Variants in GDPD5 observed in about 807,000 individuals in gnomAD.
The protein encoded by GDPD5 is glycerophosphodiester phosphodiesterase domain containing 5.
Under a neutral mutation model 75.1 loss-of-function variants are expected in GDPD5, and 48 were observed. The ratio of observed to expected loss-of-function variants is 0.64; its 90% confidence interval spans 0.51 to 0.81. GDPD5 has a LOEUF of 0.81. GDPD5 is among the 40% of genes least tolerant of loss of function. The probability of loss-of-function intolerance (pLI) is 0.00; values close to 1 mark genes in which losing one functional copy is unlikely to be tolerated. For missense variants in GDPD5, 706 were observed against 822.6 expected (o/e 0.86, Z 1.73); for synonymous variants, 336 against 339.0 (o/e 0.99, Z 0.10).
intron 10 of GDPD5, among the ~76,000 whole-genome samples, chr11:75,443,732 CACCCA>C (rs1948902419): frequency 6.6e-6 from 1 of 152,192 alleles, no homozygotes; most frequent in Non-Finnish European, 1.5e-5. Flanking sequence ...TGGCAAATTC[CACCCA>C]ACCCCAATCC....
At chr11:75,471,401 C>T (rs1227971077) in intron 3 of GDPD5, among the ~76,000 whole-genome samples, 1 of 152,214 alleles carries the variant, frequency 6.6e-6, no homozygotes. Context: ...TTTTTCTGGA[C>T]TACAGAGAGC....
chr11:75,500,979 C>T (rs116767357), intron 1 of GDPD5, among the ~76,000 whole-genome samples: 1 of 152,238 alleles, frequency 6.6e-6, no homozygotes, highest in Non-Finnish European at 1.5e-5. Flanking sequence ...GTGCCCTGTA[C>T]AGCCATCCAT....
At chr11:75,475,896 C>G (rs1949767969) in intron 3 of GDPD5, among the ~76,000 whole-genome samples, 1 of 152,206 alleles carries the variant, frequency 6.6e-6, no homozygotes, top group African/African-American at 2.4e-5. Flanking sequence ...TCAGTCAGCT[C>G]AAAACCAGCC....
At chr11:75,503,928 G>A (rs1016471082) in intron 1 of GDPD5, among the ~76,000 whole-genome samples, 4 of 152,202 alleles carry the variant, frequency 2.6e-5, no homozygotes, top group Non-Finnish European at 4.4e-5. Flanking sequence ...GGCCCCTGGG[G>A]AGCTGATCCC....
At chr11:75,471,186 T>C (rs148575203) in intron 3 of GDPD5, among the ~76,000 whole-genome samples, 7 of 152,146 alleles carry the variant, frequency 4.6e-5, no homozygotes, top group African/African-American at 1.7e-4. Flanking sequence ...GCCTGGGAAA[T>C]GTCAGCTGGA....
At chr11:75,453,371 C>T (rs1334897583) in intron 6 of GDPD5, among the ~76,000 whole-genome samples, 1 of 152,146 alleles carries the variant, frequency 6.6e-6, no homozygotes, top group South Asian at 2.1e-4. Context: ...GTAGTCCCAG[C>T]ACTTTGGGAG....
chr11:75,483,823 G>C (rs953035166), intron 2 of GDPD5, among the ~76,000 whole-genome samples: 5 of 152,222 alleles, frequency 3.3e-5, no homozygotes, highest in African/African-American at 1.2e-4. Context: ...GTGAATGCCA[G>C]GGGCTGGGAG....
At chr11:75,462,761 T>C in intron 4 of GDPD5, 25 bp downstream of exon 4, 2 of 1,439,986 alleles carry the variant, frequency 1.4e-6, no homozygotes, top group Non-Finnish European at 1.9e-6. Flanking sequence ...GGCCCCTTCC[T>C]CCCCCACCCA....
chr11:75,434,689 G>T lies in GDPD5; in HGVS notation c.*818C>A, dbSNP rs946402628. On this transcript the variant is annotated 3_prime_UTR_variant, in exon 17 of 17. Coordinates refer to ENST00000336898, the MANE Select transcript of GDPD5 (RefSeq NM_030792.8). ...TGGCCAAGGGCCCTAGGTTCCCTCT[G>T]TTCAGGCCCACTTAGCCACACACCC... The T allele has an allele frequency of 1.3e-5, 2 of 152,274 alleles. No homozygotes were observed. The highest frequency in any genetic ancestry group is 4.8e-5 in the African/African-American group (2 of 41,452). 9.4% of individuals were successfully genotyped at this position (152,274 alleles called of 1,614,324 possible).
At chr11:75,468,679 G>GCCC (rs71036054) in intron 3 of GDPD5, among the ~76,000 whole-genome samples, 172 of 144,462 alleles carry the variant, frequency 1.2e-3, no homozygotes, top group Non-Finnish European at 1.9e-3. Context: ...CTCCCCCGAC[G>GCCC]CCCCCCCCCC....
intron 9 of GDPD5, among the ~76,000 whole-genome samples, chr11:75,445,728 T>G (rs1183843580): frequency 2.6e-5 from 4 of 152,228 alleles, no homozygotes; most frequent in Non-Finnish European, 4.4e-5. Flanking sequence ...TCCCCTCTTT[T>G]GTGACACAGC....
intron 1 of GDPD5, among the ~76,000 whole-genome samples, chr11:75,511,149 C>T (rs895663040): frequency 2.0e-5 from 3 of 152,198 alleles, no homozygotes; most frequent in African/African-American, 7.2e-5. Flanking sequence ...ATAAAAATAT[C>T]TCCACGGCCA....
At chr11:75,501,946 C>T (rs1400839045) in intron 1 of GDPD5, among the ~76,000 whole-genome samples, 3 of 152,188 alleles carry the variant, frequency 2.0e-5, no homozygotes, top group African/African-American at 4.8e-5. Context: ...CCGCGCCAAA[C>T]ACCTGGGTGT....
At chr11:75,481,073 G>C (rs1949904614) in intron 2 of GDPD5, among the ~76,000 whole-genome samples, 1 of 152,174 alleles carries the variant, frequency 6.6e-6, no homozygotes, top group Non-Finnish European at 1.5e-5. Flanking sequence ...CGAGCCTTAT[G>C]GTAAGTGCAG....
chr11:75,448,544 A>T (rs1456581626), intron 9 of GDPD5: 9 of 989,258 alleles, frequency 9.1e-6, no homozygotes, highest in Non-Finnish European at 9.6e-6. Context: ...TGCGGCGCTG[A>T]CTTTGATCCC....
In GDPD5 at chr11:75,511,499, C is replaced by T. The variant is rs531649156; in HGVS notation, c.-145+13711G>A. On this transcript the variant is annotated intron_variant, in intron 1 of 16. Coordinates refer to ENST00000336898, the MANE Select transcript of GDPD5 (RefSeq NM_030792.8). ...GCCTGTTTGGATTTATGTGACCTAG[C>T]GTTTCCCAAATCTGTATGCTCATGC... is the stretch of plus-strand genomic sequence containing the variant. Among the ~76,000 whole-genome samples the T allele has an allele frequency of 3.9e-5, 6 of 152,332 alleles. No individual in the cohort carries two copies. The South Asian group carries it at 6.2e-4, about 16-fold the overall frequency.
chr11:75,450,324 T>G, intron 6 of GDPD5: 2 of 371,888 alleles, frequency 5.4e-6, no homozygotes, highest in Non-Finnish European at 9.9e-6. Context: ...CCTGGCAGGT[T>G]AGTCACATCC....
chr11:75,514,298 G>A (rs1206175532), intron 1 of GDPD5, among the ~76,000 whole-genome samples: 1 of 152,240 alleles, frequency 6.6e-6, no homozygotes, highest in Non-Finnish European at 1.5e-5. Context: ...CCCAGAGGGG[G>A]AGAAGCAGGA....
rs558683671 is a variant in GDPD5 at position 75,435,712 on chromosome 11, G to T, written c.1670-57C>A. The T allele has an allele frequency of 6.5e-5, 100 of 1,529,054 alleles. No homozygotes were observed. In the African/African-American group the frequency reaches 1.3e-3, roughly 20 times the overall value. 94.7% of individuals were successfully genotyped at this position (1,529,054 alleles called of 1,614,324 possible). Reference sequence around the variant, plus strand: ...CGGGGAGGAGGCAGTCGTGAGGATGGGTGACAGATGGGGCAGGAAGGCTGC... The same window carrying T: ...CGGGGAGGAGGCAGTCGTGAGGATGTGTGACAGATGGGGCAGGAAGGCTGC... On this transcript the variant is annotated intron_variant, in intron 16 of 16. Transcript: ENST00000336898.
Sources: gnomAD v4.1 joint callset for allele counts (sites outside exome capture counted in the v4.1 genomes callset) on GRCh38, gnomAD v4.1.1 for gene constraint, MANE v1.5 for transcripts, NCBI Gene and HGNC (gene_info 2026-07-23, HGNC 2026-07-21) for gene names.